RBFOX1: variants seen among roughly 807,000 people sequenced by gnomAD.
The protein encoded by RBFOX1 is RNA binding protein fox-1 homolog 1.
RBFOX1 carries 8 observed loss-of-function variants against 57.7 expected under a neutral mutation model. The observed-to-expected ratio is 0.14, with a 90% CI of 0.08 to 0.25. The LOEUF (loss-of-function observed/expected upper bound fraction) is 0.25, where lower values mean the gene tolerates loss of function less well. Among genes scored for constraint, RBFOX1 ranks in the 10% least tolerant of loss-of-function variants. The pLI, the probability that RBFOX1 is intolerant of heterozygous loss-of-function variation, is 1.00. For missense variants in RBFOX1, 611 were observed against 548.5 expected, an observed-to-expected ratio of 1.11 and a Z score of -1.14; for synonymous variants, 326 against 222.4, an observed-to-expected ratio of 1.47 and a Z score of -4.15.
chr16:5,242,391 C>T (rs554832061), intron 1 of RBFOX1, among the ~76,000 whole-genome samples: 32 of 152,256 alleles, frequency 2.1e-4, no homozygotes, highest in Non-Finnish European at 3.5e-4. Flanking sequence ...GGCGGCCCCT[C>T]GAAAAGAGGG....
At chr16:7,173,044 A>T (rs1318834319) in intron 4 of RBFOX1, among the ~76,000 whole-genome samples, 1 of 152,216 alleles carries the variant, frequency 6.6e-6, no homozygotes, top group African/African-American at 2.4e-5. Context: ...GGTAGAAATA[A>T]GATATTAGTA....
intron 3 of RBFOX1, among the ~76,000 whole-genome samples, chr16:6,763,404 A>G (rs1567149751): frequency 6.6e-6 from 1 of 152,180 alleles, no homozygotes; most frequent in East Asian, 1.9e-4. Context: ...GTTTGGCACA[A>G]CCATTCAACC....
At chr16:7,493,683 A>G (rs2067670690) in intron 4 of RBFOX1, among the ~76,000 whole-genome samples, 1 of 152,242 alleles carries the variant, frequency 6.6e-6, no homozygotes, top group Non-Finnish European at 1.5e-5. Context: ...TAAGGTGGTC[A>G]TTAGAAGCTC....
intron 4 of RBFOX1, among the ~76,000 whole-genome samples, chr16:7,085,178 C>T (rs943600786): frequency 6.6e-6 from 1 of 152,084 alleles, no homozygotes; most frequent in East Asian, 1.9e-4. Flanking sequence ...CTCCAAGGGC[C>T]AGGCCTATAA....
chr16:5,576,340 C>G (rs544088239), intron 2 of RBFOX1, among the ~76,000 whole-genome samples: 1 of 152,260 alleles, frequency 6.6e-6, no homozygotes, highest in South Asian at 2.1e-4. Context: ...ACTTCATAAT[C>G]CTTTTTCCTT....
chr16:7,077,418 T>C (rs1018529834), intron 4 of RBFOX1, among the ~76,000 whole-genome samples: 3 of 152,226 alleles, frequency 2.0e-5, no homozygotes, highest in African/African-American at 7.2e-5. Context: ...GTGAAGCTAC[T>C]ACATTTATTA....
intron 2 of RBFOX1, among the ~76,000 whole-genome samples, chr16:6,542,483 C>CTTTTTTTTTGTTTTTTTT (rs2096835337): frequency 1.8e-5 from 1 of 55,720 alleles, no homozygotes; most frequent in Non-Finnish European, 3.0e-5. Flanking sequence ...GGACCATAGT[C>CTTTTTTTTTGTTTTTTTT]TTTTTTTTTT....
chr16:7,408,027 A>G (rs2098376230), intron 4 of RBFOX1, among the ~76,000 whole-genome samples: 1 of 152,230 alleles, frequency 6.6e-6, no homozygotes, highest in Non-Finnish European at 1.5e-5. Context: ...TACAGAAAAA[A>G]AGAAACTGAT....
At chr16:6,257,395 A>G (rs553999527) in intron 1 of RBFOX1, among the ~76,000 whole-genome samples, 4 of 152,034 alleles carry the variant, frequency 2.6e-5, no homozygotes, top group Non-Finnish European at 4.4e-5. Context: ...AGCATCAACA[A>G]TATTTGATGT....
At chr16:5,713,576 T>C (rs1312129771) in intron 3 of RBFOX1, among the ~76,000 whole-genome samples, 5 of 152,200 alleles carry the variant, frequency 3.3e-5, no homozygotes, top group Admixed American at 2.6e-4. Flanking sequence ...AAGCCCAAAC[T>C]AGTTGATCTG....
chr16:6,055,596 A>C (rs1454890688), intron 1 of RBFOX1, among the ~76,000 whole-genome samples: 1 of 150,058 alleles, frequency 6.7e-6, no homozygotes, highest in Non-Finnish European at 1.5e-5. Flanking sequence ...CCGTCAAAAA[A>C]AAAAAAAAAA....
chr16:7,041,082 A>ATTTTTTTTTT (rs61569211), intron 3 of RBFOX1, among the ~76,000 whole-genome samples: 1,159 of 109,264 alleles, frequency 0.011, no homozygotes, highest in Non-Finnish European at 0.015. Flanking sequence ...CGCCCAGCTA[A>ATTTTTTTTTT]TTTTTTTTTT....
chr16:7,075,043 A>G (rs531537266), intron 4 of RBFOX1, among the ~76,000 whole-genome samples: 2 of 152,194 alleles, frequency 1.3e-5, no homozygotes, highest in Non-Finnish European at 2.9e-5. Context: ...GGAACTCCCC[A>G]AAGCGTAAAA....
At chr16:6,671,052 G>T (rs2098761640) in intron 3 of RBFOX1, among the ~76,000 whole-genome samples, 1 of 152,140 alleles carries the variant, frequency 6.6e-6, no homozygotes, top group Non-Finnish European at 1.5e-5. Flanking sequence ...CAATTTGGTA[G>T]AAATCATTTA....
intron 10 of RBFOX1, among the ~76,000 whole-genome samples, 182 bp from the exon 11 acceptor site, chr16:7,630,421 T>TG (rs1458373286): frequency 2.1e-5 from 3 of 144,304 alleles, no homozygotes; most frequent in Non-Finnish European, 4.6e-5. Context: ...TTGTGGTGGG[T>TG]GGGGGGGCTT....
rs74008584 is a variant in RBFOX1, at chr16:7,058,386, G to T, written c.27+6288G>T. On this transcript the variant is annotated intron_variant, in intron 4 of 15. Transcript: ENST00000550418. ...GCCTCCAGCCCCAGAGCATCTCTTT[G>T]CACTTTGAAAACATTGTTTGCAAAA... Among the ~76,000 whole-genome samples the T allele has an allele frequency of 9.5e-3, 1,443 of 152,140 alleles. 21 individuals carry two copies. The highest frequency in any genetic ancestry group is 0.033 in the African/African-American group (1,357 of 41,452).
intron 1 of RBFOX1, among the ~76,000 whole-genome samples, chr16:5,378,052 A>T (rs1050241100): frequency 5.3e-5 from 8 of 151,648 alleles, no homozygotes; most frequent in African/African-American, 2.0e-4. Flanking sequence ...TGGAGAGAGC[A>T]AGACAACAGC....
At chr16:6,011,792 T>C (rs1284189338) in intron 4 of RBFOX1, among the ~76,000 whole-genome samples, 1 of 152,156 alleles carries the variant, frequency 6.6e-6, no homozygotes, top group Non-Finnish European at 1.5e-5. Context: ...GACTTGCGCT[T>C]ACTCTCCAAG....
intron 1 of RBFOX1, among the ~76,000 whole-genome samples, chr16:5,455,015 CTTTCT>C (rs1375842920): frequency 3.9e-4 from 45 of 114,350 alleles, no homozygotes; most frequent in African/African-American, 1.4e-3. Flanking sequence ...TTCTTTCTTT[CTTTCT>C]TTCTCTCTCT....
Sources: gnomAD v4.1 joint callset for allele counts (sites outside exome capture counted in the v4.1 genomes callset) on GRCh38, gnomAD v4.1.1 for gene constraint, MANE v1.5 for transcripts, NCBI Gene and HGNC (gene_info 2026-07-23, HGNC 2026-07-21) for gene names.